Variants in SKAP1 observed in about 807,000 individuals in gnomAD.
The protein encoded by SKAP1 is src kinase-associated phosphoprotein 1.
In SKAP1, 44 loss-of-function variants were observed where a neutral mutation model predicts 58.5. That is an observed-to-expected ratio of 0.75 (90% confidence interval 0.59 to 0.97). The LOEUF is 0.97. SKAP1 is among the 50% of genes least tolerant of loss of function. SKAP1 has a pLI of 0.00. For synonymous variants in SKAP1, 127 were observed against 149.7 expected (o/e 0.85, Z 1.11); for missense variants, 390 against 435.2 (o/e 0.90, Z 0.92).
At chr17:48,298,569 T>C (rs1361119743) in intron 4 of SKAP1, among the ~76,000 whole-genome samples, 1 of 152,236 alleles carries the variant, frequency 6.6e-6, no homozygotes, top group Admixed American at 6.5e-5. Context: ...TTACACTGAG[T>C]AGTACACTAT....
intron 4 of SKAP1, among the ~76,000 whole-genome samples, chr17:48,227,973 AC>A (rs1259936038): frequency 1.3e-5 from 2 of 152,242 alleles, no homozygotes; most frequent in Non-Finnish European, 2.9e-5. Context: ...TATTGGAGCT[AC>A]AAAGTCTCTC....
At chr17:48,413,592 T>C (rs1462326615) in intron 1 of SKAP1, among the ~76,000 whole-genome samples, 3 of 147,460 alleles carry the variant, frequency 2.0e-5, no homozygotes, top group South Asian at 4.3e-4. Context: ...TTACAACCCA[T>C]AACCCAAAGA....
At chr17:48,398,071 C>T (rs1158688448) in intron 1 of SKAP1, among the ~76,000 whole-genome samples, 1 of 130,644 alleles carries the variant, frequency 7.7e-6, no homozygotes, top group African/African-American at 3.1e-5. Flanking sequence ...AGTCCCCAAC[C>T]CCTGGGCCAC....
intron 4 of SKAP1, among the ~76,000 whole-genome samples, chr17:48,319,703 G>A (rs2066335587): frequency 6.6e-6 from 1 of 152,148 alleles, no homozygotes; most frequent in Non-Finnish European, 1.5e-5. Context: ...TTAGCTGGGT[G>A]TAGTGGTATG....
chr17:48,176,795 A>G (rs1381491186), intron 9 of SKAP1, among the ~76,000 whole-genome samples: 1 of 152,180 alleles, frequency 6.6e-6, no homozygotes, highest in Non-Finnish European at 1.5e-5. Context: ...CGTTATTTTG[A>G]TTACAAAAAA....
At chr17:48,359,387 A>G (rs1020655912) in intron 3 of SKAP1, among the ~76,000 whole-genome samples, 1 of 152,208 alleles carries the variant, frequency 6.6e-6, no homozygotes, top group African/African-American at 2.4e-5. Context: ...ACCTAAAAAA[A>G]TCCAGTAGTT....
intron 4 of SKAP1, among the ~76,000 whole-genome samples, chr17:48,297,674 C>CA: frequency 6.6e-6 from 1 of 152,218 alleles, no homozygotes; most frequent in South Asian, 2.1e-4. Context: ...AAACTAAAGT[C>CA]AAAACCAAGC....
intron 4 of SKAP1, among the ~76,000 whole-genome samples, chr17:48,343,608 A>G (rs1467045038): frequency 2.0e-5 from 3 of 152,216 alleles, no homozygotes; most frequent in Non-Finnish European, 2.9e-5. Flanking sequence ...ATTTAATATT[A>G]CTAATATAAT....
At chr17:48,266,732 G>C (rs190590316) in intron 4 of SKAP1, among the ~76,000 whole-genome samples, 5 of 151,882 alleles carry the variant, frequency 3.3e-5, no homozygotes, top group Non-Finnish European at 7.4e-5. Context: ...GGATGGTCTC[G>C]ATCTCTTGAC....
chr17:48,170,555 A>G, intron 10 of SKAP1, 54 bp downstream of exon 10: 1 of 1,466,794 alleles, frequency 6.8e-7, no homozygotes, highest in Non-Finnish European at 9.6e-7. Flanking sequence ...GCTTTCTCTA[A>G]TCAGAAGCCC....
chr17:48,434,251 G>C (rs191804302), upstream of SKAP1, among the ~76,000 whole-genome samples: 1 of 152,208 alleles, frequency 6.6e-6, no homozygotes, highest in African/African-American at 2.4e-5. Context: ...TGTGGAAGGA[G>C]AGATGATGCA....
At chr17:48,245,376 A>C (rs992791318) in intron 4 of SKAP1, among the ~76,000 whole-genome samples, 17 of 152,182 alleles carry the variant, frequency 1.1e-4, no homozygotes, top group African/African-American at 4.1e-4. Flanking sequence ...TACGATAGTG[A>C]CAGGTTGCTG....
At chr17:48,214,878 C>T (rs532162691) in intron 4 of SKAP1, among the ~76,000 whole-genome samples, 14 of 150,122 alleles carry the variant, frequency 9.3e-5, no homozygotes, top group East Asian at 8.0e-4. Context: ...GCTGAGATTG[C>T]GCCGCTGCAC....
chr17:48,193,232 G>A (rs532681462), intron 4 of SKAP1, among the ~76,000 whole-genome samples: 89 of 152,086 alleles, frequency 5.9e-4, no homozygotes, highest in Non-Finnish European at 1.1e-3. Flanking sequence ...TAGTAGAGAC[G>A]GGGTTTCTCC....
intron 4 of SKAP1, among the ~76,000 whole-genome samples, chr17:48,289,348 T>G (rs1263775028): frequency 2.0e-5 from 3 of 152,066 alleles, no homozygotes; most frequent in African/African-American, 7.2e-5. Context: ...TGCCTACTTT[T>G]TAAAAAAAAA....
At chr17:48,230,463 T>A (rs2143776398) in intron 4 of SKAP1, among the ~76,000 whole-genome samples, 1 of 152,330 alleles carries the variant, frequency 6.6e-6, no homozygotes, top group African/African-American at 2.4e-5. Context: ...GATAATCATC[T>A]TGTTTTATGT....
intron 10 of SKAP1, among the ~76,000 whole-genome samples, chr17:48,166,063 C>T (rs2064135472): frequency 6.6e-6 from 1 of 152,090 alleles, no homozygotes; most frequent in Non-Finnish European, 1.5e-5. Context: ...GGACCTAGAG[C>T]AATAATGACA....
chr17:48,424,176 T>C (rs2067827784), intron 1 of SKAP1, among the ~76,000 whole-genome samples: 1 of 151,820 alleles, frequency 6.6e-6, no homozygotes, highest in Admixed American at 6.6e-5. Context: ...ACCTTTTAAC[T>C]GTGTCCTCAC....
rs35201215 is a variant in SKAP1 at position 48,421,296 on chromosome 17, CTTTTTTTTTTTT to C, written c.46+8767_46+8778del. On this transcript the variant is annotated intron_variant, in intron 1 of 12. Transcript: ENST00000336915. ...TTTTACACACACAAAATAGAGTGTT[CTTTTTTTTTTTT>C]TTTTTTTTTTAAAGACGAATTTTGC... Among the ~76,000 whole-genome samples the C allele has an allele frequency of 1.3e-4, 16 of 119,218 alleles. No homozygotes were observed. In the East Asian group the frequency reaches 3.9e-3, roughly 29 times the overall value. The allele number at this position is 119,218 out of a possible 152,430, so 78.2% of individuals were successfully genotyped here.
Sources: gnomAD v4.1 joint callset for allele counts (sites outside exome capture counted in the v4.1 genomes callset) on GRCh38, gnomAD v4.1.1 for gene constraint, MANE v1.5 for transcripts, NCBI Gene and HGNC (gene_info 2026-07-23, HGNC 2026-07-21) for gene names.